Variants in MYOZ3 observed in about 807,000 individuals in gnomAD.
The protein encoded by MYOZ3 is myozenin-3.
A neutral mutation model predicts 26.5 loss-of-function variants in MYOZ3; 19 were observed. That is an observed-to-expected ratio of 0.72 (90% CI 0.50 to 1.05). The LOEUF (loss-of-function observed/expected upper bound fraction) is 1.05, where lower values mean the gene tolerates loss of function less well. Ranked by LOEUF, MYOZ3 falls within the 50% of genes least tolerant of loss-of-function variation. The pLI, the probability that MYOZ3 is intolerant of heterozygous loss-of-function variation, is 0.00. For missense variants in MYOZ3, 322 were observed against 337.1 expected (o/e 0.96, Z 0.35); for synonymous variants, 135 against 138.8 (o/e 0.97, Z 0.19).
At position 150,677,708 on chromosome 5, in the gene MYOZ3, G is replaced by C. The variant is rs1007658997; in HGVS notation, c.*833G>C. The C allele has an allele frequency of 3.3e-5, 5 of 152,232 alleles. No individual in the cohort carries two copies. The highest frequency in any genetic ancestry group is 9.7e-5 in the African/African-American group (4 of 41,442). The allele number at this position is 152,232 out of a possible 1,614,324, so 9.4% of individuals were successfully genotyped here. Reference sequence around the variant, plus strand: ...CTGTGCGCTAGACACTGCCAGGCCCGGGCCTCGAGGAGGAAAAGACAGTAG... The same window carrying C: ...CTGTGCGCTAGACACTGCCAGGCCCCGGCCTCGAGGAGGAAAAGACAGTAG... On this transcript the variant is annotated 3_prime_UTR_variant, in exon 7 of 7. Transcript: ENST00000517768.
At chr5:150,673,943 G>T (rs6882400) in intron 6 of MYOZ3, among the ~76,000 whole-genome samples, 12,967 of 152,166 alleles carry the variant, frequency 0.085, 1,729 homozygotes, top group African/African-American at 0.28. Flanking sequence ...GTGGAGACTG[G>T]GTCTGTCTAA....
At chr5:150,665,694 G>A (rs1239338006) in intron 2 of MYOZ3, among the ~76,000 whole-genome samples, 1 of 151,610 alleles carries the variant, frequency 6.6e-6, no homozygotes, top group Non-Finnish European at 1.5e-5. Context: ...CTCTGCAAGT[G>A]CTGGGATTAT....
intron 1 of MYOZ3, among the ~76,000 whole-genome samples, chr5:150,661,914 A>G (rs1487400889): frequency 2.0e-5 from 3 of 152,172 alleles, no homozygotes; most frequent in African/African-American, 7.2e-5. Flanking sequence ...AAGCCCATCC[A>G]TGGATCTCTG....
chr5:150,675,607 A>G (rs1236034843), intron 6 of MYOZ3, among the ~76,000 whole-genome samples: 1 of 152,198 alleles, frequency 6.6e-6, no homozygotes. Context: ...TCCTGACCTC[A>G]GGTGATCGGC....
Position 150,671,874 on chromosome 5 carries a change from T to C in MYOZ3, c.390T>C (p.Ala130=), listed in dbSNP as rs901864544. 9 of 1,587,656 alleles carry C rather than the reference T, an allele frequency of 5.7e-6. No individual in the cohort carries two copies. The African/African-American group carries it at 1.2e-4, about 21-fold the overall frequency. ...GCGCCCACCCTGCAGCCGCCCCTGC[T>C]GGGTGCGTCCCCAGCCCCAGCGCCC... ...PEGAHPAAAP[A]GCVPSPSALA... The change falls in exon 5 of 7, where the codon GCT becomes GCC. Residue 130 remains alanine (A), a synonymous_variant. Transcript: ENST00000517768.
intron 5 of MYOZ3, 196 bp from the exon 6 acceptor site, chr5:150,672,144 T>C: frequency 9.7e-7 from 1 of 1,033,526 alleles, no homozygotes; most frequent in Non-Finnish European, 1.5e-6. Flanking sequence ...GCTTCCTCAC[T>C]GCAGTCCTCC....
intron 2 of MYOZ3, 21 bp from the exon 3 acceptor site, chr5:150,670,463 C>T (rs370091502): frequency 1.8e-5 from 29 of 1,589,894 alleles, no homozygotes; most frequent in African/African-American, 6.7e-5. Flanking sequence ...GGTGAGAGCC[C>T]GCTCTGGCCT....
intron 2 of MYOZ3, among the ~76,000 whole-genome samples, chr5:150,663,779 G>A (rs1758769207): frequency 6.6e-6 from 1 of 151,742 alleles, no homozygotes; most frequent in Admixed American, 6.6e-5. Context: ...AGAATTGCTT[G>A]AGCCCAGGAG....
chr5:150,676,991 A>G lies in MYOZ3; in HGVS notation c.*116A>G. ...GCCTTCACACACAAAACCTGATTGC[A>G]AATGGCTTCAGAGGTCACCAAGTTC... On this transcript the variant is annotated 3_prime_UTR_variant, in exon 7 of 7. Coordinates refer to ENST00000517768, the MANE Select transcript of MYOZ3 (RefSeq NM_001122853.3). The G allele has an allele frequency of 9.4e-7, 1 of 1,068,640 alleles. No homozygotes were observed. The highest frequency in any genetic ancestry group is 1.3e-6 in the Non-Finnish European group (1 of 747,020). The allele number at this position is 1,068,640 out of a possible 1,614,324, so 66.2% of individuals were successfully genotyped here. A position where few individuals can be genotyped will look rare whatever the true frequency, so the allele number is the denominator to read the frequency against.
intron 5 of MYOZ3, 157 bp from the exon 6 acceptor site, chr5:150,672,183 T>G: frequency 3.4e-6 from 4 of 1,161,370 alleles, no homozygotes; most frequent in Non-Finnish European, 5.0e-6. Context: ...AGGGGTCTCC[T>G]GTGCTGGAGC....
Position 150,661,394 on chromosome 5 carries a change from T to G in MYOZ3, c.-35T>G, listed in dbSNP as rs1415235911. 2 of 152,380 alleles carry G rather than the reference T, an allele frequency of 1.3e-5. No homozygotes were observed. Among genetic ancestry groups the G allele is most frequent in the East Asian group, 1.9e-4 (1 of 5,316 alleles). 9.4% of individuals were successfully genotyped at this position (152,380 alleles called of 1,614,324 possible). A position where few individuals can be genotyped will look rare whatever the true frequency, so the allele number is the denominator to read the frequency against. On this transcript the variant is annotated 5_prime_UTR_variant, in exon 1 of 7. Transcript: ENST00000517768. ...AGGTGTTAATCTTGAGGGTCTAAGA[T>G]TCCCTCCTGCCTATTGTGGTCCCAT...
intron 2 of MYOZ3, 121 bp downstream of exon 2, chr5:150,663,123 C>A: frequency 2.6e-6 from 2 of 762,314 alleles, no homozygotes; most frequent in East Asian, 3.0e-5. Flanking sequence ...CAGGCCAGCT[C>A]TGAGGGAGTG....
intron 6 of MYOZ3, among the ~76,000 whole-genome samples, chr5:150,675,396 G>A (rs563381683): frequency 2.0e-5 from 3 of 151,856 alleles, no homozygotes; most frequent in Non-Finnish European, 4.4e-5. Context: ...GGGTGGAGCA[G>A]AGTTTTGCTT....
rs765864243 is a variant in MYOZ3 at position 150,675,226 on chromosome 5, T to TTGTGTGCGTGTGTGTGTGTGTGTGTGTG, written c.588-1475_588-1474insCGTGTGTGTGTGTGTGTGTGTGTGTGTG. On this transcript the variant is annotated intron_variant, in intron 6 of 6. Coordinates refer to ENST00000517768, the MANE Select transcript of MYOZ3 (RefSeq NM_001122853.3). ...TGCATGCCTGTAGGGGGAATGGCGT[T>TTGTGTGCGTGTGTGTGTGTGTGTGTGTG]TGTGTGTGTGTGGGGGTGTGTGTGT... Among the ~76,000 whole-genome samples the TTGTGTGCGTGTGTGTGTGTGTGTGTGTG allele has an allele frequency of 6.5e-3, 991 of 151,440 alleles. 21 individuals are homozygous for TTGTGTGCGTGTGTGTGTGTGTGTGTGTG. Among genetic ancestry groups the TTGTGTGCGTGTGTGTGTGTGTGTGTGTG allele is most frequent in the African/African-American group, 0.022 (920 of 40,912 alleles).
At position 150,677,166 on chromosome 5, in the gene MYOZ3, T is replaced by C; in HGVS notation, c.*291T>C. 4.0e-6 allele frequency: 1 copy of C among 251,234 alleles called. No individual in the cohort carries two copies. Among genetic ancestry groups the C allele is most frequent in the Non-Finnish European group, 7.7e-6 (1 of 129,596 alleles). 15.6% of individuals were successfully genotyped at this position (251,234 alleles called of 1,614,324 possible). ...AGCAACCAGGGCCGGGTGTCGTGGC[T>C]CACGCCTGTCATCCCAGCACTTTGG... On this transcript the variant is annotated 3_prime_UTR_variant, in exon 7 of 7. Coordinates refer to ENST00000517768, the MANE Select transcript of MYOZ3 (RefSeq NM_001122853.3).
intron 6 of MYOZ3, among the ~76,000 whole-genome samples, 164 bp from the exon 7 acceptor site, chr5:150,676,543 C>CAAAA (rs749959393): frequency 3.5e-5 from 2 of 57,964 alleles, no homozygotes; most frequent in African/African-American, 1.1e-4. Context: ...GACTCTGTCT[C>CAAAA]AAAAAAAAAA....
In MYOZ3 at chr5:150,672,332, G is replaced by A; in HGVS notation, c.425-8G>A. 6.3e-7 allele frequency: 1 copy of A among 1,595,152 alleles called. No homozygotes were observed. The highest frequency in any genetic ancestry group is 8.5e-7 in the Non-Finnish European group (1 of 1,171,600). On this transcript the variant is annotated splice_polypyrimidine_tract_variant and splice_region_variant and intron_variant, in intron 5 of 6. Transcript: ENST00000517768. The stretch of plus-strand genomic sequence containing the variant: ...AACGGAGGCGCTCCCTTCCCCCCGC[G>A]CCCCTAGGCTATGCGGAGCCGCTGA...
chr5:150,673,600 A>G (rs1758959290), intron 6 of MYOZ3, among the ~76,000 whole-genome samples: 1 of 152,226 alleles, frequency 6.6e-6, no homozygotes, highest in South Asian at 2.1e-4. Flanking sequence ...TTTGCCTCCC[A>G]AAGTGCTGGG....
chr5:150,666,609 G>C (rs1364496668), intron 2 of MYOZ3, among the ~76,000 whole-genome samples: 1 of 108,338 alleles, frequency 9.2e-6, no homozygotes, highest in East Asian at 2.4e-4. Context: ...GCAAGACTCT[G>C]TCTCAAAAAA....
Sources: allele counts gnomAD v4.1 joint callset (sites outside exome capture counted in the v4.1 genomes callset), GRCh38; gene constraint gnomAD v4.1.1; transcripts MANE v1.5; gene names NCBI Gene and HGNC (gene_info 2026-07-23, HGNC 2026-07-21).